Variants in NUP107 observed in about 807,000 individuals in gnomAD.
NUP107 encodes nuclear pore complex protein Nup107.
A neutral mutation model predicts 141.0 loss-of-function variants in NUP107; 101 were observed. That is an observed-to-expected ratio of 0.72 (90% CI 0.61 to 0.84). NUP107 has a LOEUF of 0.84. Among genes scored for constraint, NUP107 ranks in the 40% least tolerant of loss-of-function variants. The probability of loss-of-function intolerance (pLI) is 0.00; values close to 1 mark genes in which losing one functional copy is unlikely to be tolerated. For missense variants in NUP107, 941 were observed against 1,102.7 expected, an observed-to-expected ratio of 0.85 and a Z score of 2.08; for synonymous variants, 319 against 363.9, an observed-to-expected ratio of 0.88 and a Z score of 1.41.
Position 68,736,897 on chromosome 12 carries a change from T to C in NUP107, c.2502+1553T>C, listed in dbSNP as rs557383142. Reference sequence around the variant, plus strand: ...TTGTATTTTTAGTAGAGATGGGATCTCACCATGTTGGCCAGGCTGGTCTCG... The same window carrying C: ...TTGTATTTTTAGTAGAGATGGGATCCCACCATGTTGGCCAGGCTGGTCTCG... On this transcript the variant is annotated intron_variant, in intron 26 of 27. Coordinates refer to ENST00000229179, the MANE Select transcript of NUP107 (RefSeq NM_020401.4). Among the ~76,000 whole-genome samples the C allele has an allele frequency of 1.8e-3, 278 of 152,066 alleles. 1 individual carries two copies. The highest frequency in any genetic ancestry group is 6.3e-3 in the African/African-American group (262 of 41,482).
intron 4 of NUP107, among the ~76,000 whole-genome samples, 156 bp from the exon 5 acceptor site, chr12:68,691,812 C>T (rs1192887783): frequency 1.4e-5 from 2 of 144,502 alleles, no homozygotes; most frequent in African/African-American, 2.6e-5. Flanking sequence ...CCAGCCTGGG[C>T]AACAGATCCA....
intron 5 of NUP107, among the ~76,000 whole-genome samples, chr12:68,693,003 G>A (rs2135998886): frequency 6.6e-6 from 1 of 152,032 alleles, no homozygotes; most frequent in East Asian, 1.9e-4. Flanking sequence ...ACCCGCCTTG[G>A]CCTCCCAAAG....
intron 19 of NUP107, among the ~76,000 whole-genome samples, 177 bp from the exon 20 acceptor site, chr12:68,727,174 G>A (rs1294878103): frequency 6.6e-6 from 1 of 152,068 alleles, no homozygotes; most frequent in African/African-American, 2.4e-5. Flanking sequence ...AAAGAGTTAT[G>A]GTAAGGTTAA....
intron 14 of NUP107, among the ~76,000 whole-genome samples, chr12:68,720,319 A>G (rs1168568269): frequency 6.6e-6 from 1 of 152,204 alleles, no homozygotes; most frequent in Non-Finnish European, 1.5e-5. Flanking sequence ...AAAAAGGCCT[A>G]AAGTTTGCTT....
rs563423722 is a variant in NUP107 at position 68,705,217 on chromosome 12, C to T, written c.729+2433C>T. On this transcript the variant is annotated intron_variant, in intron 8 of 27. Transcript: ENST00000229179. The stretch of plus-strand genomic sequence containing the variant: ...CCAAATGCACATGTAGGAAGACTGT[C>T]ATATTTGGCTATTTATTGAGCTCAC... 1.8e-3 allele frequency among the ~76,000 whole-genome samples: 279 copies of T among 152,268 alleles called. 1 individual carries two copies. The highest frequency in any genetic ancestry group is 6.3e-3 in the African/African-American group (263 of 41,562).
intron 17 of NUP107, among the ~76,000 whole-genome samples, chr12:68,724,488 AAG>A (rs1336035672): frequency 6.6e-6 from 1 of 152,112 alleles, no homozygotes; most frequent in Non-Finnish European, 1.5e-5. Context: ...CATTTTGAAA[AAG>A]AACAATCTGG....
intron 5 of NUP107, 135 bp downstream of exon 5, chr12:68,692,247 TAAAC>T (rs932774963): frequency 1.1e-6 from 1 of 906,596 alleles, no homozygotes; most frequent in African/African-American, 1.7e-5. Context: ...GAGAGTAGCT[TAAAC>T]AACAGATTTT....
At chr12:68,731,003 G>A (rs1391989269) in intron 20 of NUP107, 107 bp from the exon 21 acceptor site, 1 of 633,974 alleles carries the variant, frequency 1.6e-6, no homozygotes, top group Admixed American at 3.6e-5. Flanking sequence ...ATTCTGTTTA[G>A]CAACACAAAT....
At chr12:68,722,620 T>C (rs1357887649) in intron 17 of NUP107, among the ~76,000 whole-genome samples, 3 of 152,212 alleles carry the variant, frequency 2.0e-5, no homozygotes, top group Non-Finnish European at 4.4e-5. Context: ...TATGTATCCT[T>C]CTATATTTCT....
At chr12:68,725,844 T>TTC in intron 18 of NUP107, 48 bp downstream of exon 18, 1 of 1,067,318 alleles carries the variant, frequency 9.4e-7, no homozygotes, top group Non-Finnish European at 1.4e-6. Flanking sequence ...TGTGTTTTTT[T>TTC]TTTTTTTTTT....
At chr12:68,706,014 G>A (rs1876560829) in intron 8 of NUP107, 2 of 871,116 alleles carry the variant, frequency 2.3e-6, no homozygotes, top group Non-Finnish European at 3.9e-6. Context: ...GGCCCCTGCA[G>A]CGGCAGAAGA....
At chr12:68,735,434 C>T in intron 26 of NUP107, 90 bp downstream of exon 26, 1 of 870,968 alleles carries the variant, frequency 1.1e-6, no homozygotes, top group East Asian at 2.4e-5. Context: ...GGAGCATCTA[C>T]AGATTTTACA....
intron 17 of NUP107, among the ~76,000 whole-genome samples, chr12:68,724,422 A>G (rs753556564): frequency 3.9e-5 from 6 of 152,134 alleles, no homozygotes; most frequent in Non-Finnish European, 7.4e-5. Flanking sequence ...GCTTTGGGGT[A>G]TTACTTCTGG....
At chr12:68,724,711 G>A (rs1877487532) in intron 17 of NUP107, among the ~76,000 whole-genome samples, 1 of 152,112 alleles carries the variant, frequency 6.6e-6, no homozygotes, top group South Asian at 2.1e-4. Flanking sequence ...GCCCAGGGAG[G>A]TGGAGGCTGC....
At chr12:68,699,231 A>G (rs1002095590) in intron 6 of NUP107, among the ~76,000 whole-genome samples, 6 of 151,796 alleles carry the variant, frequency 4.0e-5, no homozygotes, top group Admixed American at 3.9e-4. Context: ...AAATTAGTGG[A>G]GTGTGGTGGT....
At chr12:68,737,883 A>G (rs186250453) in intron 26 of NUP107, among the ~76,000 whole-genome samples, 1 of 152,222 alleles carries the variant, frequency 6.6e-6, no homozygotes, top group Admixed American at 6.5e-5. Context: ...GCTCATCCCT[A>G]TAATCCCAGC....
chr12:68,714,231 A>G (rs975076765), intron 11 of NUP107: 3 of 153,660 alleles, frequency 2.0e-5, no homozygotes, highest in African/African-American at 7.2e-5. Flanking sequence ...AAAACAAAGG[A>G]ATGAAGCTTT....
chr12:68,709,243 TAA>T lies in NUP107; in HGVS notation c.736_737del (p.Asn246CysfsTer3), dbSNP rs1215945735. On this transcript the variant is annotated frameshift_variant, in exon 9 of 28. Transcript: ENST00000229179. LOFTEE classifies it high-confidence loss of function. ...EESVFAVTAVNASEKTVVEAL... is the reference protein window; with the variant it reads ...EESVFAVTAVXASEKTVVEAL... ...TTTAATATTTTTCATAATAGGCTGT[TAA>T]TGCCAGTGAAAAAACAGTTGTGGAA... 15 of 1,592,036 alleles carry T rather than the reference TAA, an allele frequency of 9.4e-6. No homozygotes were observed. The highest frequency in any genetic ancestry group is 1.7e-6 in the Non-Finnish European group (2 of 1,166,112).
At chr12:68,710,741 A>G (rs1876813861) in intron 10 of NUP107, among the ~76,000 whole-genome samples, 2 of 152,198 alleles carry the variant, frequency 1.3e-5, no homozygotes, top group Admixed American at 1.3e-4. Context: ...TTAAAAATAT[A>G]GTATAATAGT....
Sources: gnomAD v4.1 joint callset for allele counts (sites outside exome capture counted in the v4.1 genomes callset) on GRCh38, gnomAD v4.1.1 for gene constraint, MANE v1.5 for transcripts, NCBI Gene and HGNC (gene_info 2026-07-23, HGNC 2026-07-21) for gene names.